Variants in RFX2 observed in about 807,000 individuals in gnomAD.
RFX2 encodes the protein regulatory factor X2.
Under a neutral mutation model 87.8 loss-of-function variants are expected in RFX2, and 20 were observed. That is an observed-to-expected ratio of 0.23 (90% CI 0.16 to 0.33). The LOEUF is 0.33. RFX2 is among the 10% of genes least tolerant of loss of function. The pLI, the probability that RFX2 is intolerant of heterozygous loss-of-function variation, is 1.00. For synonymous variants in RFX2, 397 were observed against 431.3 expected, an observed-to-expected ratio of 0.92 and a Z score of 0.98; for missense variants, 767 against 1,012.3, an observed-to-expected ratio of 0.76 and a Z score of 3.29.
rs34910462 is a variant in RFX2, at chr19:6,026,277, GAA to G, written c.523-42_523-41del. ...TGCAGAAACAAAACAAAACAAAATG[GAA>G]AAAAAAAAAAAGGAAATCAGATGGT... is the stretch of plus-strand genomic sequence containing the variant. On this transcript the variant is annotated intron_variant, in intron 5 of 17. Transcript: ENST00000303657. The surrounding 1 kb of genome is among the most constrained non-coding windows in gnomAD (Gnocchi z 4.5). 3,108 of 1,161,018 alleles carry G rather than the reference GAA, an allele frequency of 2.7e-3. No homozygotes were observed. The highest frequency in any genetic ancestry group is 3.5e-3 in the Admixed American group (147 of 41,538). The allele number at this position is 1,161,018 out of a possible 1,614,324, so 71.9% of individuals were successfully genotyped here.
At position 6,044,186 on chromosome 19, in the gene RFX2, T is replaced by G. The variant is rs1474937238; in HGVS notation, c.180+7A>C. On this transcript the variant is annotated splice_region_variant and intron_variant, in intron 3 of 17. Transcript: ENST00000303657. The surrounding 1 kb of genome is among the most constrained non-coding windows in gnomAD (Gnocchi z 5.3). Reference sequence around the variant, plus strand: ...GGTTTGCACGGTGCTGCGGTGCTTGTCATTACCTGCTGGGGTACCTGCTGA... The same window carrying G: ...GGTTTGCACGGTGCTGCGGTGCTTGGCATTACCTGCTGGGGTACCTGCTGA... 1 of 1,540,046 alleles carries G rather than the reference T, an allele frequency of 6.5e-7. No individual in the cohort carries two copies.
intron 5 of RFX2, among the ~76,000 whole-genome samples, chr19:6,028,406 T>C (rs574186561): frequency 1.2e-4 from 19 of 152,352 alleles, no homozygotes; most frequent in South Asian, 6.2e-4. Flanking sequence ...ACTGTTTTAA[T>C]AGCCTTTTCA....
rs535602486 is a variant in RFX2 at position 6,039,228 on chromosome 19, G to A, written c.522+752C>T. ...TGTCTGAAAAGGTCACAATCTGTAC[G>A]ATTCCATTTATACACCACGCTAGTA... is the stretch of plus-strand genomic sequence containing the variant. On this transcript the variant is annotated intron_variant, in intron 5 of 17. Coordinates refer to ENST00000303657, the MANE Select transcript of RFX2 (RefSeq NM_000635.4). The surrounding 1 kb of genome is among the most constrained non-coding windows in gnomAD (Gnocchi z 5.2). Among the ~76,000 whole-genome samples the A allele has an allele frequency of 1.3e-5, 2 of 152,314 alleles. No homozygotes were observed. The highest frequency in any genetic ancestry group is 2.1e-4 in the South Asian group (1 of 4,824).
chr19:6,004,269 C>T lies in RFX2; in HGVS notation c.1432G>A (p.Ala478Thr). Residue 478 changes from alanine (A) to threonine (T), a missense_variant, in exon 13 of 18, where the codon GCC becomes ACC. Ala to Thr is a moderately conservative substitution (Grantham distance 58). This residue lies in a region of RFX2 where 621 missense variants were observed against 873.0 expected (regional missense o/e 0.71). Transcript: ENST00000303657. The surrounding 1 kb of genome is among the most constrained non-coding windows in gnomAD (Gnocchi z 4.8). Reference protein sequence around the residue: ...STLTQAIRNFAKSLEGWLTNA... With the variant: ...STLTQAIRNFTKSLEGWLTNA... Reference sequence around the variant, plus strand: ...GTCAACCAGCCTTCCAAGCTCTTGGCAAAGTTACGGATGGCCTGTGTCAAG... The same window carrying T: ...GTCAACCAGCCTTCCAAGCTCTTGGTAAAGTTACGGATGGCCTGTGTCAAG... 6.2e-7 allele frequency: 1 copy of T among 1,613,916 alleles called. No individual in the cohort carries two copies. Among genetic ancestry groups the T allele is most frequent in the East Asian group, 2.2e-5 (1 of 44,856 alleles).
chr19:6,084,848 G>A (rs2087835152), intron 1 of RFX2, among the ~76,000 whole-genome samples: 1 of 152,072 alleles, frequency 6.6e-6, no homozygotes, highest in Admixed American at 6.5e-5. Context: ...TGGCCAGGCT[G>A]GTCTCAAACT....
intron 3 of RFX2, among the ~76,000 whole-genome samples, chr19:6,043,580 C>A (rs976668336): frequency 2.0e-5 from 3 of 152,220 alleles, no homozygotes; most frequent in African/African-American, 7.2e-5. Flanking sequence ...ACAGCCACAC[C>A]CATTTGGTTG....
intron 12 of RFX2, among the ~76,000 whole-genome samples, chr19:6,006,020 C>G (rs761894385): frequency 6.6e-6 from 1 of 152,212 alleles, no homozygotes; most frequent in Admixed American, 6.5e-5. Flanking sequence ...TAGAAAGCAC[C>G]GAGCCCAGCC....
chr19:6,097,886 T>A (rs545175826), intron 1 of RFX2, among the ~76,000 whole-genome samples: 44 of 152,286 alleles, frequency 2.9e-4, no homozygotes, highest in Non-Finnish European at 2.9e-5. Flanking sequence ...CCAGGTTCCC[T>A]TTATTTTTAA....
chr19:6,106,104 C>A (rs1431974937), intron 1 of RFX2, among the ~76,000 whole-genome samples: 1 of 152,214 alleles, frequency 6.6e-6, no homozygotes, highest in Admixed American at 6.5e-5. Context: ...TCGCCCACTT[C>A]ATTCTGGGTC....
chr19:6,078,905 A>G (rs562710612), intron 1 of RFX2, among the ~76,000 whole-genome samples: 1 of 152,298 alleles, frequency 6.6e-6, no homozygotes, highest in South Asian at 2.1e-4. Flanking sequence ...CCTCCCAAGT[A>G]GCTGGGATTA....
Position 6,007,478 on chromosome 19 carries a change from C to T in RFX2, c.1247+212G>A, listed in dbSNP as rs565949956. 3.3e-4 allele frequency among the ~76,000 whole-genome samples: 50 copies of T among 152,312 alleles called. No individual in the cohort carries two copies. The highest frequency in any genetic ancestry group is 3.4e-3 in the Middle Eastern group (1 of 294). ...GCATCATGGTCACCTCTAAAATCCT[C>T]CCTATTCAAACAGTCTGACCCTGCA... On this transcript the variant is annotated intron_variant, in intron 11 of 17. Coordinates refer to ENST00000303657, the MANE Select transcript of RFX2 (RefSeq NM_000635.4). The surrounding 1 kb of genome is among the most constrained non-coding windows in gnomAD (Gnocchi z 8.2).
At chr19:6,088,298 C>A (rs1406438572) in intron 1 of RFX2, among the ~76,000 whole-genome samples, 1 of 147,624 alleles carries the variant, frequency 6.8e-6, no homozygotes, top group Non-Finnish European at 1.5e-5. Context: ...CGGCTCACTG[C>A]AACCTCCGCC....
chr19:6,000,475 A>G (rs1185418801), intron 15 of RFX2, among the ~76,000 whole-genome samples: 2 of 152,190 alleles, frequency 1.3e-5, no homozygotes, highest in African/African-American at 4.8e-5. Flanking sequence ...TCCCCACCCA[A>G]ATCTCACCTT....
rs2086484766 is a variant in RFX2 at position 6,001,132 on chromosome 19, T to A, written c.1859+683A>T. 6.6e-6 allele frequency among the ~76,000 whole-genome samples: 1 copy of A among 152,186 alleles called. No homozygotes were observed. The highest frequency in any genetic ancestry group is 1.5e-5 in the Non-Finnish European group (1 of 68,022). Reference sequence around the variant, plus strand: ...CTACTGCCTTCTGGGTTTCTGCACATTGTTCGGAAGTCTAATGCTGCTCCC... The same window carrying A: ...CTACTGCCTTCTGGGTTTCTGCACAATGTTCGGAAGTCTAATGCTGCTCCC... On this transcript the variant is annotated intron_variant, in intron 15 of 17. Transcript: ENST00000303657. The surrounding 1 kb of genome is among the most constrained non-coding windows in gnomAD (Gnocchi z 5.6).
At chr19:6,075,998 C>T (rs898216676) in intron 1 of RFX2, among the ~76,000 whole-genome samples, 4 of 152,196 alleles carry the variant, frequency 2.6e-5, no homozygotes, top group Admixed American at 1.3e-4. Flanking sequence ...CTGAAATACA[C>T]AGCGTCACCC....
At chr19:6,048,467 T>C (rs1389371021) in intron 1 of RFX2, among the ~76,000 whole-genome samples, 2 of 152,218 alleles carry the variant, frequency 1.3e-5, no homozygotes, top group Non-Finnish European at 2.9e-5. Context: ...GAGACATAGT[T>C]AAGTACACAC....
At chr19:6,082,262 C>G (rs555873402) in intron 1 of RFX2, among the ~76,000 whole-genome samples, 2 of 146,782 alleles carry the variant, frequency 1.4e-5, no homozygotes, top group African/African-American at 5.2e-5. Context: ...CCATTGCATT[C>G]CAGCCTGGGC....
rs2087663182 is a variant in RFX2, at chr19:6,074,687, A to C, written c.-8-27183T>G. ...TGAAGAAAAATACACTCAAATGCAC[A>C]AGTGGAGTGCGGCATGGGCCAGGGG... is the stretch of plus-strand genomic sequence containing the variant. On this transcript the variant is annotated intron_variant, in intron 1 of 17. Coordinates refer to ENST00000303657, the MANE Select transcript of RFX2 (RefSeq NM_000635.4). This position sits in a 1 kb window ranked among gnomAD's most constrained non-coding sequence, Gnocchi z 5.2. Among the ~76,000 whole-genome samples, 2 of 152,176 alleles carry C rather than the reference A, an allele frequency of 1.3e-5. No homozygotes were observed. The highest frequency in any genetic ancestry group is 1.3e-4 in the Admixed American group (2 of 15,288).
At chr19:6,089,000 G>A (rs2087895826) in intron 1 of RFX2, among the ~76,000 whole-genome samples, 2 of 152,074 alleles carry the variant, frequency 1.3e-5, no homozygotes, top group African/African-American at 4.8e-5. Flanking sequence ...AGATAATTTT[G>A]TATGTCCTAA....
Sources: allele counts gnomAD v4.1 joint callset (sites outside exome capture counted in the v4.1 genomes callset), GRCh38; gene constraint gnomAD v4.1.1; regional missense constraint gnomAD v4.1.1; non-coding constraint Gnocchi (gnomAD v3.1); transcripts MANE v1.5; gene names NCBI Gene and HGNC (gene_info 2026-07-23, HGNC 2026-07-21).